The following RBMS3 variants were observed in gnomAD, a reference collection of about 807,000 sequenced individuals.
RBMS3 encodes the protein RNA-binding motif, single-stranded-interacting protein 3.
A neutral mutation model predicts 66.8 loss-of-function variants in RBMS3; 27 were observed. The ratio of observed to expected loss-of-function variants is 0.40; its 90% confidence interval spans 0.30 to 0.56. The LOEUF (loss-of-function observed/expected upper bound fraction) is 0.56. Among genes scored for constraint, RBMS3 ranks in the 20% least tolerant of loss-of-function variants. The pLI is 0.40. For synonymous variants in RBMS3, 188 were observed against 183.0 expected (o/e 1.03, Z -0.22); for missense variants, 513 against 549.5 (o/e 0.93, Z 0.66).
At chr3:29,702,103 A>G (rs1250521876) in intron 4 of RBMS3, among the ~76,000 whole-genome samples, 2 of 152,216 alleles carry the variant, frequency 1.3e-5, no homozygotes, top group Non-Finnish European at 2.9e-5. Context: ...AAACACACCA[A>G]TCAGCACCCT....
At chr3:29,441,419 C>G (rs1288241096) in intron 2 of RBMS3, among the ~76,000 whole-genome samples, 1 of 152,080 alleles carries the variant, frequency 6.6e-6, no homozygotes, top group Non-Finnish European at 1.5e-5. Context: ...ATGCCTCATA[C>G]TCTACTAAGT....
At chr3:29,893,428 G>A (rs942229653) in intron 8 of RBMS3, among the ~76,000 whole-genome samples, 21 of 151,336 alleles carry the variant, frequency 1.4e-4, no homozygotes, top group African/African-American at 5.1e-4. Flanking sequence ...ACTCCAATTG[G>A]CGCATTTTAC....
chr3:29,770,861 A>G, intron 6 of RBMS3, among the ~76,000 whole-genome samples: 1 of 151,996 alleles, frequency 6.6e-6, no homozygotes, highest in East Asian at 1.9e-4. Flanking sequence ...AGTGCATTTC[A>G]GAATCTAGAA....
intron 4 of RBMS3, among the ~76,000 whole-genome samples, chr3:29,587,639 A>G (rs1193107393): frequency 6.6e-6 from 1 of 151,716 alleles, no homozygotes; most frequent in Non-Finnish European, 1.5e-5. Flanking sequence ...TCTTTGATAA[A>G]CTGTGTGCTA....
intron 1 of RBMS3, among the ~76,000 whole-genome samples, chr3:29,433,498 T>C (rs1039719684): frequency 2.6e-5 from 4 of 152,206 alleles, no homozygotes; most frequent in Non-Finnish European, 5.9e-5. Context: ...GCTAATATTG[T>C]ACACTTATTA....
At chr3:29,377,761 G>A (rs2038553043) in intron 1 of RBMS3, among the ~76,000 whole-genome samples, 1 of 152,200 alleles carries the variant, frequency 6.6e-6, no homozygotes, top group African/African-American at 2.4e-5. Flanking sequence ...TGCCATGACA[G>A]ATATTGGGCA....
At chr3:29,323,220 A>G (rs535442126) in intron 1 of RBMS3, among the ~76,000 whole-genome samples, 1 of 152,328 alleles carries the variant, frequency 6.6e-6, no homozygotes, top group South Asian at 2.1e-4. Context: ...AGTAACAGAC[A>G]TAAATTATTT....
intron 1 of RBMS3, among the ~76,000 whole-genome samples, chr3:29,288,824 T>A (rs1456419089): frequency 6.6e-6 from 1 of 151,960 alleles, no homozygotes; most frequent in African/African-American, 2.4e-5. Flanking sequence ...ACGTGGGAAC[T>A]GAATACTGTG....
intron 1 of RBMS3, among the ~76,000 whole-genome samples, chr3:29,352,626 A>G (rs928365336): frequency 2.6e-5 from 4 of 152,054 alleles, no homozygotes; most frequent in African/African-American, 7.2e-5. Context: ...GTTGAAATAT[A>G]CAATACATTG....
At chr3:29,326,980 C>T (rs55890000) in intron 1 of RBMS3, among the ~76,000 whole-genome samples, 6,046 of 152,148 alleles carry the variant, frequency 0.04, 151 homozygotes, top group South Asian at 0.069. Context: ...TCTGCCCGCA[C>T]TGGCCTCCCA....
intron 2 of RBMS3, among the ~76,000 whole-genome samples, chr3:29,462,207 G>C (rs1230516863): frequency 2.0e-5 from 3 of 152,096 alleles, no homozygotes; most frequent in Non-Finnish European, 4.4e-5. Flanking sequence ...CTGAATTACA[G>C]GTTCATTTGT....
At chr3:29,862,708 G>T (rs1032064522) in intron 6 of RBMS3, among the ~76,000 whole-genome samples, 2 of 151,960 alleles carry the variant, frequency 1.3e-5, no homozygotes, top group African/African-American at 4.8e-5. Context: ...GCTAAGTGTG[G>T]CGGCGTGTGC....
At chr3:29,565,755 T>C (rs1329164513) in intron 3 of RBMS3, among the ~76,000 whole-genome samples, 3 of 152,194 alleles carry the variant, frequency 2.0e-5, no homozygotes, top group African/African-American at 7.2e-5. Flanking sequence ...GAAAAGGTAG[T>C]TCTTTATGAA....
intron 12 of RBMS3, among the ~76,000 whole-genome samples, chr3:29,980,914 G>A (rs1697940176): frequency 6.6e-6 from 1 of 152,098 alleles, no homozygotes; most frequent in Non-Finnish European, 1.5e-5. Context: ...GGCTATGCAG[G>A]CTCTTTTTTT....
chr3:29,386,654 A>G (rs775367578), intron 1 of RBMS3, among the ~76,000 whole-genome samples: 2 of 152,198 alleles, frequency 1.3e-5, no homozygotes, highest in Non-Finnish European at 2.9e-5. Flanking sequence ...GCATACAGAC[A>G]TGCTGCAATG....
chr3:29,772,481 C>T (rs1417673964), intron 6 of RBMS3, among the ~76,000 whole-genome samples: 1 of 151,938 alleles, frequency 6.6e-6, no homozygotes, highest in Non-Finnish European at 1.5e-5. Flanking sequence ...AAATCATATT[C>T]AGTGATGCTT....
intron 13 of RBMS3, among the ~76,000 whole-genome samples, chr3:29,988,473 G>C (rs569647963): frequency 6.6e-6 from 1 of 152,318 alleles, no homozygotes; most frequent in South Asian, 2.1e-4. Flanking sequence ...GAAAATTCCA[G>C]AGGCCAAATC....
intron 6 of RBMS3, among the ~76,000 whole-genome samples, chr3:29,828,761 A>T (rs1481563169): frequency 1.3e-5 from 2 of 152,172 alleles, no homozygotes; most frequent in African/African-American, 4.8e-5. Flanking sequence ...ATTAATTTGT[A>T]AAAAAGTAGT....
intron 4 of RBMS3, among the ~76,000 whole-genome samples, chr3:29,640,001 T>C (rs1436942576): frequency 6.6e-6 from 1 of 151,692 alleles, no homozygotes; most frequent in East Asian, 1.9e-4. Flanking sequence ...TCTGATATAA[T>C]CCCCTCCTAT....
Sources: allele counts gnomAD v4.1 joint callset (sites outside exome capture counted in the v4.1 genomes callset), GRCh38; gene constraint gnomAD v4.1.1; transcripts MANE v1.5; gene names NCBI Gene and HGNC (gene_info 2026-07-23, HGNC 2026-07-21).